Variants in ZDHHC24 observed in about 807,000 individuals in gnomAD.
ZDHHC24 encodes the protein probable palmitoyltransferase ZDHHC24.
In ZDHHC24, 17 loss-of-function variants were observed where a neutral mutation model predicts 23.2. The observed-to-expected ratio is 0.73, with a 90% CI of 0.50 to 1.10. The LOEUF (loss-of-function observed/expected upper bound fraction) is 1.10. Ranked by LOEUF, ZDHHC24 falls within the 50% of genes least tolerant of loss-of-function variation. The pLI is 0.00. For missense variants in ZDHHC24, 366 were observed against 393.0 expected (o/e 0.93, Z 0.58); for synonymous variants, 186 against 194.5 (o/e 0.96, Z 0.36).
In ZDHHC24 at chr11:66,537,799, GCA is replaced by G. The variant is rs1857020002; in HGVS notation, c.*1728_*1729del. 1 of 151,600 alleles carries G rather than the reference GCA, an allele frequency of 6.6e-6. No homozygotes were observed. Among genetic ancestry groups the G allele is most frequent in the Non-Finnish European group, 1.5e-5 (1 of 67,760 alleles). The allele number at this position is 151,600 out of a possible 1,614,324, so 9.4% of individuals were successfully genotyped here. A position where few individuals can be genotyped will look rare whatever the true frequency, so the allele number is the denominator to read the frequency against. On this transcript the variant is annotated 3_prime_UTR_variant, in exon 3 of 3. Coordinates refer to ENST00000310442, the MANE Select transcript of ZDHHC24 (RefSeq NM_207340.3). ...AAAAATTAGCTTGGCGTGGTGGCAG[GCA>G]CCTGTAGTCCCAGCTACTTGAGAGG... is the stretch of plus-strand genomic sequence containing the variant.
chr11:66,540,793 CCA>C lies in ZDHHC24; in HGVS notation c.560-971_560-970del, dbSNP rs146533064. Among the ~76,000 whole-genome samples, 953 of 152,024 alleles carry C rather than the reference CCA, an allele frequency of 6.3e-3. 17 individuals carry two copies. In the East Asian group the frequency reaches 0.088, roughly 14 times the overall value. On this transcript the variant is annotated intron_variant, in intron 2 of 2. Coordinates refer to ENST00000310442, the MANE Select transcript of ZDHHC24 (RefSeq NM_207340.3). ...AGCCAGTATCCTGTGCCATCTTGGC[CCA>C]CAGTCAGCAACAAGTACCTGCTGAA...
Position 66,539,781 on chromosome 11 carries a change from G to A in ZDHHC24, c.603C>T (p.Asp201=). 1 of 1,612,010 alleles carries A rather than the reference G, an allele frequency of 6.2e-7. No homozygotes were observed. The highest frequency in any genetic ancestry group is 2.2e-5 in the East Asian group (1 of 44,778). The change falls in exon 3 of 3, where the codon GAC becomes GAT. Residue 201 remains aspartate, a synonymous_variant. Coordinates refer to ENST00000310442, the MANE Select transcript of ZDHHC24 (RefSeq NM_207340.3). ...LAQFALAFVT[D]TCVAGALLCG... ...ACAGCAGCGCACCCGCCACGCACGT[G>A]TCCGTCACGAAGGCCAAGGCAAACT...
At position 66,545,861 on chromosome 11, in the gene ZDHHC24, G is replaced by T. The variant is rs965815349; in HGVS notation, c.143C>A (p.Pro48His). ...CGCCAGCTGCAAGGCCCGGGCCAGG[G>T]GTCCCAGCGGCGGCGGCCCGGGACC... is the stretch of plus-strand genomic sequence containing the variant. ...VLGPGPPPLGPLARALQLALA... is the reference protein window; with the variant it reads ...VLGPGPPPLGHLARALQLALA... The change falls in exon 1 of 3, where the codon CCC becomes CAC. Residue 48 changes from proline (P) to histidine (H), a missense_variant. Transcript: ENST00000310442. This position sits in a 1 kb window ranked among gnomAD's most constrained non-coding sequence, Gnocchi z 4.5. 2 of 1,551,868 alleles carry T rather than the reference G, an allele frequency of 1.3e-6. No homozygotes were observed. The highest frequency in any genetic ancestry group is 1.4e-5 in the African/African-American group (1 of 73,442).
chr11:66,530,006 C>T (rs541904172), intron 2 of ZDHHC24: 35 of 1,559,118 alleles, frequency 2.2e-5, no homozygotes, highest in East Asian at 1.2e-4. Flanking sequence ...GGCCAGGATG[C>T]GCAGGAACCC....
chr11:66,539,858 G>GAC, intron 2 of ZDHHC24, 34 bp from the exon 3 acceptor site: 2 of 1,524,086 alleles, frequency 1.3e-6, no homozygotes, highest in Admixed American at 4.1e-5. Flanking sequence ...TCAGGGAGGG[G>GAC]CAGTGGGGTC....
downstream of ZDHHC24, chr11:66,532,234 C>T (rs919118013): frequency 3.4e-5 from 21 of 609,132 alleles, no homozygotes; most frequent in Middle Eastern, 4.4e-4. Flanking sequence ...CGGCTCAACT[C>T]CTCCCACAGC....
At chr11:66,526,582 G>GA (rs2134811730) in intron 4 of ZDHHC24, 1 of 1,604,840 alleles carries the variant, frequency 6.2e-7, no homozygotes, top group Admixed American at 1.7e-5. Context: ...ATTGTTTGGG[G>GA]AAGAAAGAAT....
In ZDHHC24 at chr11:66,543,884, G is replaced by C. The variant is rs750855374; in HGVS notation, c.379C>G (p.Leu127Val). 8 of 1,613,964 alleles carry C rather than the reference G, an allele frequency of 5.0e-6. No individual in the cohort carries two copies. The highest frequency in any genetic ancestry group is 6.8e-6 in the Non-Finnish European group (8 of 1,179,910). Reference sequence around the variant, plus strand: ...TTGCCGAAGCCCACGCAGCGGCCCAGCAGGCGGCAGTGGTGGTCCCGACGC... The same window carrying C: ...TTGCCGAAGCCCACGCAGCGGCCCACCAGGCGGCAGTGGTGGTCCCGACGC... The part of the protein sequence containing the change: ...ILRRDHHCRL[L>V]GRCVGFGNYR... Residue 127 changes from leucine (L) to valine (V), a missense_variant, in exon 2 of 3, where the codon CTG (leucine) becomes GTG (valine). By Grantham distance (32) the Leu-to-Val change is conservative. Transcript: ENST00000310442.
chr11:66,531,909 CA>C (rs1856800148), downstream of ZDHHC24: 1 of 1,570,310 alleles, frequency 6.4e-7, no homozygotes, highest in South Asian at 1.2e-5. Flanking sequence ...GGCAAGGGGT[CA>C]GGGGTGTATG....
intron 4 of ZDHHC24, chr11:66,526,099 C>G: frequency 6.2e-7 from 1 of 1,613,508 alleles, no homozygotes; most frequent in Non-Finnish European, 8.5e-7. Context: ...ATTTCCCCAA[C>G]TAAACTCTGA....
rs1354530306 is a variant in ZDHHC24, at chr11:66,529,796, G to A, written c.560-308C>T. 1.9e-6 allele frequency: 3 copies of A among 1,609,482 alleles called. No individual in the cohort carries two copies. The South Asian group carries it at 3.3e-5, about 18-fold the overall frequency. The stretch of plus-strand genomic sequence containing the variant: ...CTGCCACCCCCCACCTCCACCGTCA[G>A]CCTCTGGGACCCTTCTCCACAGCCA... On this transcript the variant is annotated intron_variant, in intron 2 of 4. Transcript: ENST00000526986.
Position 66,543,723 on chromosome 11 carries a change from G to T in ZDHHC24, c.540C>A (p.Pro180=), listed in dbSNP as rs1360234901. The change falls in exon 2 of 3, where the codon CCC becomes CCA. Residue 180 remains proline (P), a synonymous_variant. Coordinates refer to ENST00000310442, the MANE Select transcript of ZDHHC24 (RefSeq NM_207340.3). ...CCCCACCTGTGAGCAACATGAGCCA[G>T]GGAAGCAGGAGGAGGGCAGCCATGT... ...PLHMAALLLL[P]WLMLLTGRVS... is the part of the protein sequence containing the mutation. 6.3e-7 allele frequency: 1 copy of T among 1,593,428 alleles called. No homozygotes were observed. The highest frequency in any genetic ancestry group is 1.3e-5 in the African/African-American group (1 of 74,656).
At chr11:66,540,681 T>C (rs1857126973) in intron 2 of ZDHHC24, among the ~76,000 whole-genome samples, 1 of 151,342 alleles carries the variant, frequency 6.6e-6, no homozygotes, top group African/African-American at 2.4e-5. Flanking sequence ...TGAGCCAAGA[T>C]TGCGCCATTG....
chr11:66,535,231 C>CA (rs760293829), downstream of ZDHHC24, among the ~76,000 whole-genome samples: 2 of 151,472 alleles, frequency 1.3e-5, no homozygotes, highest in Non-Finnish European at 2.9e-5. Flanking sequence ...TTTTTTGAGA[C>CA]AGAGTCTAGC....
rs768620927 is a variant in ZDHHC24, at chr11:66,526,110, C to T, written c.*21+826G>A. On this transcript the variant is annotated intron_variant, in intron 4 of 4. Transcript: ENST00000526986. ...AGATATTTCCCCAACTAAACTCTGA[C>T]GTCTCCACATAGGATGCAGTGACCA... 40 of 1,613,870 alleles carry T rather than the reference C, an allele frequency of 2.5e-5. No individual in the cohort carries two copies. Among genetic ancestry groups the T allele is most frequent in the South Asian group, 8.8e-5 (8 of 91,088 alleles).
chr11:66,534,305 T>C (rs1191611180), downstream of ZDHHC24, among the ~76,000 whole-genome samples: 1 of 151,510 alleles, frequency 6.6e-6, no homozygotes, highest in African/African-American at 2.4e-5. Context: ...TAGCCAGGCA[T>C]GGTGGCAGGC....
In ZDHHC24 at chr11:66,523,627, C is replaced by A. The variant is rs191924860; in HGVS notation, c.*22-2161G>T. 48 of 1,613,108 alleles carry A rather than the reference C, an allele frequency of 3.0e-5. No individual in the cohort carries two copies. In the East Asian group the frequency reaches 9.8e-4, roughly 33 times the overall value. ...CCTCCACGCCTATGTCCCTAGCCCC[C>A]ACTTGGCAAGAGAGTCCTCTGGCTT... is the stretch of plus-strand genomic sequence containing the variant. On this transcript the variant is annotated intron_variant, in intron 4 of 4. Transcript: ENST00000526986.
chr11:66,521,360 A>T, exon 5 of ZDHHC24: 1 of 1,614,152 alleles, frequency 6.2e-7, no homozygotes, highest in Middle Eastern at 1.7e-4. Context: ...CAATGGAAAC[A>T]TCTATATTCT....
Position 66,543,840 on chromosome 11 carries a change from G to A in ZDHHC24, c.423C>T (p.Cys141=), listed in dbSNP as rs1857226538. ...GGACGCCGGCGGCATGAAGCAGCAG[G>A]CACAGGAAGGGCCGGTAGTTGCCGA... ...VGFGNYRPFL[C]LLLHAAGVLL... The change falls in exon 2 of 3, where the codon TGC becomes TGT. Residue 141 remains cysteine, a synonymous_variant. Coordinates refer to ENST00000310442, the MANE Select transcript of ZDHHC24 (RefSeq NM_207340.3). 2 of 1,613,854 alleles carry A rather than the reference G, an allele frequency of 1.2e-6. No individual in the cohort carries two copies. The highest frequency in any genetic ancestry group is 1.7e-4 in the Middle Eastern group (1 of 6,044).
Sources: allele counts gnomAD v4.1 joint callset (sites outside exome capture counted in the v4.1 genomes callset), GRCh38; gene constraint gnomAD v4.1.1; non-coding constraint Gnocchi (gnomAD v3.1); transcripts MANE v1.5; gene names NCBI Gene and HGNC (gene_info 2026-07-23, HGNC 2026-07-21).